LRIG1: variants seen among roughly 807,000 people sequenced by gnomAD.
The protein encoded by LRIG1 is leucine-rich repeats and immunoglobulin-like domains protein 1.
A neutral mutation model predicts 99.2 loss-of-function variants in LRIG1; 48 were observed. The observed-to-expected ratio is 0.48, with a 90% CI of 0.38 to 0.62. The LOEUF (loss-of-function observed/expected upper bound fraction) is 0.62, where lower values mean the gene tolerates loss of function less well. Among genes scored for constraint, LRIG1 ranks in the 20% least tolerant of loss-of-function variants. The probability of loss-of-function intolerance (pLI) is 0.00; values close to 1 mark genes in which losing one functional copy is unlikely to be tolerated. For missense variants in LRIG1, 1,646 were observed against 1,434.4 expected, an observed-to-expected ratio of 1.15 and a Z score of -2.38; for synonymous variants, 772 against 596.1, an observed-to-expected ratio of 1.29 and a Z score of -4.30.
chr3:66,417,477 A>G (rs1575674799), intron 3 of LRIG1: 3 of 572,958 alleles, frequency 5.2e-6, no homozygotes, highest in Non-Finnish European at 9.3e-6. Context: ...CAAGTTTATC[A>G]AAGTTCTATC....
At chr3:66,421,932 G>A (rs1255903938) in intron 3 of LRIG1, among the ~76,000 whole-genome samples, 1 of 152,204 alleles carries the variant, frequency 6.6e-6, no homozygotes, top group Non-Finnish European at 1.5e-5. Flanking sequence ...CTGCATACCT[G>A]CAGGCTCAGC....
chr3:66,500,473 G>T lies in LRIG1; in HGVS notation c.-66C>A. On this transcript the variant is annotated 5_prime_UTR_variant, in exon 1 of 19. Coordinates refer to ENST00000273261, the MANE Select transcript of LRIG1 (RefSeq NM_015541.3). ...TGAGGACCCGAACGGCCGCAGACGCGGGCGGGCCCGCGGGGCGCTCCGCTC... is the reference window on the plus strand; with the variant it reads ...TGAGGACCCGAACGGCCGCAGACGCTGGCGGGCCCGCGGGGCGCTCCGCTC... The T allele has an allele frequency of 1.0e-6, 1 of 989,958 alleles. No homozygotes were observed. Among genetic ancestry groups the T allele is most frequent in the Non-Finnish European group, 1.3e-6 (1 of 744,708 alleles). The allele number at this position is 989,958 out of a possible 1,614,324, so 61.3% of individuals were successfully genotyped here.
intron 13 of LRIG1, 64 bp downstream of exon 13, chr3:66,385,917 A>C: frequency 7.0e-7 from 1 of 1,435,094 alleles, no homozygotes; most frequent in Admixed American, 1.8e-5. Context: ...TGGAAAGCTG[A>C]AAGGGCAATC....
At chr3:66,419,452 G>C (rs1037484807) in intron 3 of LRIG1, among the ~76,000 whole-genome samples, 2 of 152,182 alleles carry the variant, frequency 1.3e-5, no homozygotes, top group Non-Finnish European at 2.9e-5. Flanking sequence ...TGGGAGACAA[G>C]GGTGTGTGGG....
rs1300532614 is a variant in LRIG1 at position 66,437,603 on chromosome 3, G to A, written c.365+13956C>T. On this transcript the variant is annotated intron_variant, in intron 3 of 18. Coordinates refer to ENST00000273261, the MANE Select transcript of LRIG1 (RefSeq NM_015541.3). ...GAATAAGTATCTAAAACAACCTAGT[G>A]TCTGCCCCATACCCCACAATCACTT... is the stretch of plus-strand genomic sequence containing the variant. Among the ~76,000 whole-genome samples, 4 of 152,156 alleles carry A rather than the reference G, an allele frequency of 2.6e-5. No homozygotes were observed. In the East Asian group the frequency reaches 7.7e-4, roughly 29 times the overall value.
intron 1 of LRIG1, among the ~76,000 whole-genome samples, chr3:66,488,465 A>G (rs1248111108): frequency 7.9e-6 from 1 of 127,356 alleles, no homozygotes; most frequent in Non-Finnish European, 1.8e-5. Flanking sequence ...TGTCTCTACT[A>G]AAAAAAAACA....
intron 14 of LRIG1, 139 bp from the exon 15 acceptor site, chr3:66,383,540 G>A (rs1219093564): frequency 2.5e-6 from 2 of 791,134 alleles, no homozygotes; most frequent in Non-Finnish European, 3.9e-6. Flanking sequence ...AAGCTTTGGA[G>A]AAGACCCTTC....
rs146580942 is a variant in LRIG1, at chr3:66,380,631, C to T, written c.3001G>A (p.Asp1001Asn). ...TTCTTCACAGCCGTCAGCATTCTAT[C>T]GTGGTTACTGGGGTAGAGCGACCCT... The part of the protein sequence containing the change: ...CQGSLYPSNH[D>N]RMLTAVKKKP... The change falls in exon 18 of 19, where the codon GAT becomes AAT. Residue 1001 changes from aspartate to asparagine, a missense_variant. Asp to Asn is a conservative substitution (Grantham distance 23, BLOSUM62 1). Transcript: ENST00000273261. 1.9e-3 allele frequency: 3,068 copies of T among 1,614,200 alleles called. 5 individuals carry two copies. Among genetic ancestry groups the T allele is most frequent in the Non-Finnish European group, 2.2e-3 (2,616 of 1,180,034 alleles).
intron 17 of LRIG1, among the ~76,000 whole-genome samples, chr3:66,381,184 G>C (rs1701037784): frequency 6.6e-6 from 1 of 152,170 alleles, no homozygotes; most frequent in Non-Finnish European, 1.5e-5. Context: ...CCTCAAAATA[G>C]CCCTGGTGAA....
intron 1 of LRIG1, among the ~76,000 whole-genome samples, chr3:66,484,921 G>A (rs1021920501): frequency 2.6e-5 from 4 of 152,072 alleles, no homozygotes; most frequent in African/African-American, 4.8e-5. Context: ...TTGGGAGGCC[G>A]AGGCCAGCGA....
intron 11 of LRIG1, among the ~76,000 whole-genome samples, chr3:66,397,590 G>C (rs924267259): frequency 6.6e-6 from 1 of 152,134 alleles, no homozygotes; most frequent in South Asian, 2.1e-4. Context: ...CACAGTGGCA[G>C]CACCACCACC....
chr3:66,497,603 T>C (rs544182161), intron 1 of LRIG1, among the ~76,000 whole-genome samples: 17 of 151,882 alleles, frequency 1.1e-4, no homozygotes, highest in African/African-American at 3.9e-4. Flanking sequence ...CATTATCCAT[T>C]CTGTTTCTTC....
chr3:66,410,506 G>C (rs544350829), intron 6 of LRIG1, among the ~76,000 whole-genome samples: 4 of 152,318 alleles, frequency 2.6e-5, no homozygotes, highest in East Asian at 3.9e-4. Context: ...GTGTTCATAG[G>C]GCAAGAGGGA....
chr3:66,464,262 G>C (rs1299797514), intron 1 of LRIG1, among the ~76,000 whole-genome samples: 1 of 152,156 alleles, frequency 6.6e-6, no homozygotes, highest in African/African-American at 2.4e-5. Flanking sequence ...TTGTGAAGCA[G>C]GAAGGGATAT....
chr3:66,494,339 G>C (rs959564765), intron 1 of LRIG1, among the ~76,000 whole-genome samples: 1 of 152,200 alleles, frequency 6.6e-6, no homozygotes, highest in Non-Finnish European at 1.5e-5. Flanking sequence ...TTAATGACGA[G>C]TGTGAGTTGG....
intron 9 of LRIG1, chr3:66,401,545 A>T (rs1702055856): frequency 8.7e-7 from 1 of 1,151,268 alleles, no homozygotes; most frequent in African/African-American, 1.6e-5. Context: ...AATAAAATAA[A>T]TTCTCAAATT....
chr3:66,485,522 TTATC>T (rs1347640201), intron 1 of LRIG1, among the ~76,000 whole-genome samples: 2 of 152,168 alleles, frequency 1.3e-5, no homozygotes, highest in Non-Finnish European at 2.9e-5. Context: ...AGTCTGCAAA[TTATC>T]TAACGATTCA....
chr3:66,491,327 T>C (rs1701097031), intron 1 of LRIG1, among the ~76,000 whole-genome samples: 1 of 152,244 alleles, frequency 6.6e-6, no homozygotes, highest in Non-Finnish European at 1.5e-5. Context: ...GTTTGTTCAC[T>C]AATGGATTTT....
chr3:66,478,731 C>T (rs1045935190), intron 1 of LRIG1, among the ~76,000 whole-genome samples: 12 of 152,152 alleles, frequency 7.9e-5, no homozygotes, highest in African/African-American at 2.7e-4. Flanking sequence ...CTCCACTGTA[C>T]GGGTCAGCTT....
Sources: allele counts gnomAD v4.1 joint callset (sites outside exome capture counted in the v4.1 genomes callset), GRCh38; gene constraint gnomAD v4.1.1; transcripts MANE v1.5; gene names NCBI Gene and HGNC (gene_info 2026-07-23, HGNC 2026-07-21).